SLC24A2: variants seen among roughly 807,000 people sequenced by gnomAD.
The protein encoded by SLC24A2 is sodium/potassium/calcium exchanger 2.
SLC24A2 carries 36 observed loss-of-function variants against 62.0 expected under a neutral mutation model. The observed-to-expected ratio is 0.58, with a 90% CI of 0.44 to 0.77. SLC24A2 has a LOEUF of 0.77. SLC24A2 is among the 30% of genes least tolerant of loss of function. The pLI is 0.00. For missense variants in SLC24A2, 846 were observed against 817.9 expected, an observed-to-expected ratio of 1.03 and a Z score of -0.42; for synonymous variants, 358 against 294.0, an observed-to-expected ratio of 1.22 and a Z score of -2.23.
rs939549038 is a variant in SLC24A2 at position 19,619,663 on chromosome 9, G to A, written c.999C>T (p.Ser333=). The change falls in exon 4 of 11, where the codon AGC becomes AGT. Residue 333 remains serine (S), a synonymous_variant. Transcript: ENST00000341998. Reference sequence around the variant, plus strand: ...TGAGACTGTTGTGGAGGGAGGCAGAGCTTCCACCTCGCTGGAGACGCGGCT... The same window carrying A: ...TGAGACTGTTGTGGAGGGAGGCAGAACTTCCACCTCGCTGGAGACGCGGCT... The part of the protein sequence containing the change: ...PAKPRLQRGG[S]SASLHNSLMR... 3 of 1,613,882 alleles carry A rather than the reference G, an allele frequency of 1.9e-6. No homozygotes were observed. Among genetic ancestry groups the A allele is most frequent in the Non-Finnish European group, 2.5e-6 (3 of 1,179,886 alleles).
the SLC24A2 span, among the ~76,000 whole-genome samples, chr9:20,153,146 AT>A: frequency 6.6e-6 from 1 of 151,950 alleles, no homozygotes; most frequent in Non-Finnish European, 1.5e-5. Context: ...AGCTGTTAAC[AT>A]TTTGATGTTT....
intron 2 of SLC24A2, among the ~76,000 whole-genome samples, chr9:19,740,224 T>A (rs1232357259): frequency 6.6e-6 from 1 of 152,176 alleles, no homozygotes; most frequent in Non-Finnish European, 1.5e-5. Flanking sequence ...ATTCCATTCA[T>A]GGTATGTACC....
the SLC24A2 span, among the ~76,000 whole-genome samples, chr9:20,256,845 T>C: frequency 6.6e-6 from 1 of 151,696 alleles, no homozygotes; most frequent in Admixed American, 6.6e-5. Context: ...GCCATGCCCA[T>C]TGAGCATGAA....
chr9:19,690,704 T>C (rs191969648), intron 2 of SLC24A2, among the ~76,000 whole-genome samples: 10 of 152,302 alleles, frequency 6.6e-5, no homozygotes, highest in Middle Eastern at 3.4e-3. Flanking sequence ...GGCTTTTCTC[T>C]TTTTTCCTTT....
At chr9:19,605,987 G>A (rs1836972621) in intron 4 of SLC24A2, among the ~76,000 whole-genome samples, 1 of 152,174 alleles carries the variant, frequency 6.6e-6, no homozygotes. Flanking sequence ...ATGGGAAGAG[G>A]TCACCATGCA....
At chr9:19,783,279 C>A (rs998945371) in intron 2 of SLC24A2, among the ~76,000 whole-genome samples, 1 of 152,130 alleles carries the variant, frequency 6.6e-6, no homozygotes, top group Non-Finnish European at 1.5e-5. Flanking sequence ...ATTCCTCTAC[C>A]TTCCCAAACT....
chr9:19,636,334 T>TTCTTTTCTTTTCTTTTCTTTTC (rs1564009853), intron 2 of SLC24A2, among the ~76,000 whole-genome samples: 1 of 25,918 alleles, frequency 3.9e-5, no homozygotes, highest in Non-Finnish European at 7.7e-5. Flanking sequence ...TTTCTTTCTT[T>TTCTTTTCTTTTCTTTTCTTTTC]CTTTCTTTCT....
chr9:20,181,727 A>G, the SLC24A2 span, among the ~76,000 whole-genome samples: 84 of 152,364 alleles, frequency 5.5e-4, no homozygotes, highest in African/African-American at 1.9e-3. Flanking sequence ...AGGCATGGGC[A>G]AAGACTTCAT....
chr9:20,088,374 T>G, the SLC24A2 span, among the ~76,000 whole-genome samples: 20 of 152,194 alleles, frequency 1.3e-4, no homozygotes, highest in South Asian at 3.5e-3. Flanking sequence ...CTCTAGAGAA[T>G]CAGAGGCAAC....
the SLC24A2 span, among the ~76,000 whole-genome samples, chr9:19,831,732 C>T: frequency 1.1e-4 from 17 of 152,298 alleles, no homozygotes; most frequent in South Asian, 3.3e-3. Flanking sequence ...AGAAAAAAAT[C>T]TCAAGCCTTC....
At chr9:20,012,303 G>A in the SLC24A2 span, among the ~76,000 whole-genome samples, 10 of 152,186 alleles carry the variant, frequency 6.6e-5, no homozygotes, top group East Asian at 1.9e-4. Context: ...CAGCAGACAA[G>A]AGACAAGAGC....
chr9:20,025,807 A>G, the SLC24A2 span, among the ~76,000 whole-genome samples: 2 of 152,154 alleles, frequency 1.3e-5, no homozygotes. Flanking sequence ...GAGAGTGACA[A>G]CATCTGCTTG....
the SLC24A2 span, among the ~76,000 whole-genome samples, chr9:19,951,706 T>C: frequency 1.3e-5 from 2 of 152,216 alleles, no homozygotes; most frequent in Non-Finnish European, 2.9e-5. Flanking sequence ...ATATTTATAC[T>C]TAAAACAATA....
intron 1 of SLC24A2, chr9:19,788,654 C>T: frequency 3.0e-6 from 3 of 985,406 alleles, no homozygotes; most frequent in Non-Finnish European, 3.6e-6. Context: ...CAGGCCCTGC[C>T]CCACGCCCCC....
the SLC24A2 span, among the ~76,000 whole-genome samples, chr9:19,869,181 A>G: frequency 1.6e-4 from 25 of 152,200 alleles, no homozygotes; most frequent in South Asian, 2.3e-3. Context: ...AGGTCTCCCT[A>G]TGTTACCTAG....
At chr9:20,227,535 TAA>T in the SLC24A2 span, among the ~76,000 whole-genome samples, 214 of 124,568 alleles carry the variant, frequency 1.7e-3, 1 homozygote, top group East Asian at 0.012. Context: ...CACACATTTC[TAA>T]AAAAAAAAAA....
At chr9:19,833,090 G>A in the SLC24A2 span, among the ~76,000 whole-genome samples, 1 of 152,070 alleles carries the variant, frequency 6.6e-6, no homozygotes, top group Non-Finnish European at 1.5e-5. Context: ...GTTAGGAAAC[G>A]ATATTGGGAG....
the SLC24A2 span, among the ~76,000 whole-genome samples, chr9:20,125,906 T>C: frequency 8.5e-4 from 130 of 152,280 alleles, no homozygotes; most frequent in Admixed American, 3.1e-3. Flanking sequence ...CTTTCCAGCA[T>C]ACAGAATTGC....
At chr9:20,225,191 A>G in the SLC24A2 span, among the ~76,000 whole-genome samples, 1 of 152,082 alleles carries the variant, frequency 6.6e-6, no homozygotes, top group Non-Finnish European at 1.5e-5. Flanking sequence ...TTGTGTATGT[A>G]TATTGAGTTA....
Sources: gnomAD v4.1 joint callset for allele counts (sites outside exome capture counted in the v4.1 genomes callset) on GRCh38, gnomAD v4.1.1 for gene constraint, MANE v1.5 for transcripts, NCBI Gene and HGNC (gene_info 2026-07-23, HGNC 2026-07-21) for gene names.